EXOC6B: variants seen among roughly 807,000 people sequenced by gnomAD.
The protein encoded by EXOC6B is SEC15 homolog B.
In EXOC6B, 54 loss-of-function variants were observed where a neutral mutation model predicts 113.5. That is an observed-to-expected ratio of 0.48 (90% confidence interval 0.38 to 0.60). EXOC6B has a LOEUF of 0.60. EXOC6B is among the 20% of genes least tolerant of loss of function. The pLI is 0.00. For synonymous variants in EXOC6B, 357 were observed against 339.0 expected (o/e 1.05, Z -0.58); for missense variants, 797 against 977.5 (o/e 0.82, Z 2.46).
At chr2:72,335,446 G>A (rs555669309) in intron 19 of EXOC6B, among the ~76,000 whole-genome samples, 110 of 151,818 alleles carry the variant, frequency 7.2e-4, no homozygotes, top group African/African-American at 2.2e-3. Flanking sequence ...CTAATTTCAC[G>A]CTTGTCACCT....
At chr2:72,199,555 G>T (rs1368282353) in intron 20 of EXOC6B, among the ~76,000 whole-genome samples, 1 of 152,170 alleles carries the variant, frequency 6.6e-6, no homozygotes, top group East Asian at 1.9e-4. Flanking sequence ...AAGAAACAGT[G>T]AGGTTTTAAA....
At chr2:72,225,934 C>T (rs1235481017) in intron 20 of EXOC6B, among the ~76,000 whole-genome samples, 1 of 152,132 alleles carries the variant, frequency 6.6e-6, no homozygotes, top group African/African-American at 2.4e-5. Context: ...AAGACATGCA[C>T]ATCAAATTCC....
intron 12 of EXOC6B, 141 bp downstream of exon 12, chr2:72,499,760 T>C (rs1443260874): frequency 2.1e-5 from 13 of 608,734 alleles, no homozygotes; most frequent in Non-Finnish European, 3.9e-5. Flanking sequence ...TCTTGGACTC[T>C]TGGACTCAAG....
At chr2:72,483,679 C>T (rs1348520332) in intron 16 of EXOC6B, among the ~76,000 whole-genome samples, 3 of 152,272 alleles carry the variant, frequency 2.0e-5, no homozygotes, top group East Asian at 1.9e-4. Context: ...TGTCTGTTAA[C>T]GAGGACTAAG....
intron 19 of EXOC6B, among the ~76,000 whole-genome samples, chr2:72,344,266 C>A (rs1689188497): frequency 1.3e-5 from 2 of 152,012 alleles, no homozygotes. Flanking sequence ...TCCAAAATTT[C>A]TTTTTTGTTT....
chr2:72,529,602 G>C (rs1384337607), intron 8 of EXOC6B, among the ~76,000 whole-genome samples: 4 of 152,114 alleles, frequency 2.6e-5, no homozygotes, highest in Admixed American at 6.5e-5. Context: ...GAAGATTTCA[G>C]AAAGAAGTTT....
intron 1 of EXOC6B, among the ~76,000 whole-genome samples, chr2:72,770,621 G>C (rs1284768962): frequency 1.3e-5 from 2 of 152,288 alleles, no homozygotes; most frequent in East Asian, 3.9e-4. Context: ...ACAACAAATA[G>C]TTTTTAGAGC....
rs1016342950 is a variant in EXOC6B, at chr2:72,757,578, A to T, written c.114-16109T>A. Among the ~76,000 whole-genome samples, 8 of 152,198 alleles carry T rather than the reference A, an allele frequency of 5.3e-5. No individual in the cohort carries two copies. The East Asian group carries it at 1.5e-3, about 29-fold the overall frequency. ...TTTGTGTAAATTTCTCTTTGTCTTT[A>T]AAAATTTCCAGTTTGTCCCAGTTTT... is the stretch of plus-strand genomic sequence containing the variant. On this transcript the variant is annotated intron_variant, in intron 1 of 21. Transcript: ENST00000272427.
intron 6 of EXOC6B, among the ~76,000 whole-genome samples, chr2:72,619,977 T>C (rs1266066397): frequency 6.6e-6 from 1 of 152,210 alleles, no homozygotes; most frequent in African/African-American, 2.4e-5. Flanking sequence ...CTGCCCCAAC[T>C]GACCTCTGAT....
chr2:72,679,135 C>T (rs1676518258), intron 6 of EXOC6B, among the ~76,000 whole-genome samples: 1 of 151,910 alleles, frequency 6.6e-6, no homozygotes. Context: ...GGCGTGATCT[C>T]GGCTCACTGC....
chr2:72,433,700 C>A (rs2105306857), intron 18 of EXOC6B, among the ~76,000 whole-genome samples: 1 of 152,210 alleles, frequency 6.6e-6, no homozygotes, highest in East Asian at 1.9e-4. Flanking sequence ...TGATGTGGCT[C>A]TCTGTTTGTC....
At chr2:72,204,425 C>T (rs771551522) in intron 20 of EXOC6B, among the ~76,000 whole-genome samples, 8 of 152,062 alleles carry the variant, frequency 5.3e-5, no homozygotes, top group Non-Finnish European at 1.0e-4. Flanking sequence ...TGGAAAGGCT[C>T]AGCCACAGGA....
intron 19 of EXOC6B, among the ~76,000 whole-genome samples, chr2:72,343,829 T>TA (rs1007709081): frequency 3.4e-4 from 51 of 151,996 alleles, no homozygotes; most frequent in Non-Finnish European, 4.0e-4. Context: ...AAGTTTGTAA[T>TA]AAAAAAAATC....
At chr2:72,804,549 G>C (rs1194928235) in intron 1 of EXOC6B, among the ~76,000 whole-genome samples, 3 of 151,784 alleles carry the variant, frequency 2.0e-5, no homozygotes, top group African/African-American at 7.3e-5. Context: ...TACAAAATCT[G>C]AATTTCTGGA....
At chr2:72,277,102 G>A (rs878946410) in intron 20 of EXOC6B, among the ~76,000 whole-genome samples, 1 of 152,060 alleles carries the variant, frequency 6.6e-6, no homozygotes, top group Non-Finnish European at 1.5e-5. Context: ...GTAATTTTTG[G>A]TTGCTGCAAG....
rs772767009 is a variant in EXOC6B, at chr2:72,575,530, C to T, written c.808G>A (p.Gly270Arg). ...TCCTCGTCTTCAACATCCAGAATTC[C>T]TGAATCCTGTTCAGACTTCGGACTA... ...STSPKSEQDS[G>R]ILDVEDEEDD... is the part of the protein sequence containing the mutation. Residue 270 changes from glycine (G) to arginine (R), a missense_variant, in exon 7 of 22, where the codon GGA becomes AGA. By Grantham distance (125) the Gly-to-Arg change is moderately radical (BLOSUM62 -2). Coordinates refer to ENST00000272427, the MANE Select transcript of EXOC6B (RefSeq NM_015189.3). 17 of 1,608,736 alleles carry T rather than the reference C, an allele frequency of 1.1e-5. No individual in the cohort carries two copies. The highest frequency in any genetic ancestry group is 3.4e-5 in the Admixed American group (2 of 58,920).
chr2:72,223,649 A>G (rs1474255348), intron 20 of EXOC6B, among the ~76,000 whole-genome samples: 1 of 152,126 alleles, frequency 6.6e-6, no homozygotes, highest in African/African-American at 2.4e-5. Flanking sequence ...TACATTTATA[A>G]AGACAGAAGG....
intron 1 of EXOC6B, among the ~76,000 whole-genome samples, chr2:72,759,279 T>A (rs1682610853): frequency 6.6e-6 from 1 of 152,220 alleles, no homozygotes; most frequent in South Asian, 2.1e-4. Context: ...ATATTAAAAA[T>A]TTTTAAATCA....
intron 1 of EXOC6B, among the ~76,000 whole-genome samples, chr2:72,744,003 T>C (rs1681525339): frequency 6.6e-6 from 1 of 152,202 alleles, no homozygotes; most frequent in African/African-American, 2.4e-5. Flanking sequence ...ATAGGCTTTG[T>C]ATTGTAGTGC....
Sources: allele counts gnomAD v4.1 joint callset (sites outside exome capture counted in the v4.1 genomes callset), GRCh38; gene constraint gnomAD v4.1.1; transcripts MANE v1.5; gene names NCBI Gene and HGNC (gene_info 2026-07-23, HGNC 2026-07-21).